The following LY75 variants were observed in gnomAD, a reference collection of about 807,000 sequenced individuals.
LY75 encodes the protein C-type lectin domain family 13 member B.
In LY75, 185 loss-of-function variants were observed where a neutral mutation model predicts 231.7. That is an observed-to-expected ratio of 0.80 (90% confidence interval 0.71 to 0.90). The LOEUF (loss-of-function observed/expected upper bound fraction) is 0.90, where lower values mean the gene tolerates loss of function less well. Among genes scored for constraint, LY75 ranks in the 40% least tolerant of loss-of-function variants. The pLI is 0.00. For synonymous variants in LY75, 668 were observed against 689.0 expected (o/e 0.97, Z 0.48); for missense variants, 1,947 against 2,050.2 (o/e 0.95, Z 0.97).
intron 1 of LY75, among the ~76,000 whole-genome samples, chr2:159,900,219 G>C (rs1686034046): frequency 6.6e-6 from 1 of 152,206 alleles, no homozygotes; most frequent in Non-Finnish European, 1.5e-5. Context: ...TGGCAACCTG[G>C]TGGAATGGGA....
At chr2:159,806,021 G>A (rs1465805907) in intron 34 of LY75, among the ~76,000 whole-genome samples, 1 of 152,132 alleles carries the variant, frequency 6.6e-6, no homozygotes, top group Non-Finnish European at 1.5e-5. Context: ...TGTCTGTTAT[G>A]CCCTTTCCCT....
intron 3 of LY75, 138 bp downstream of exon 3, chr2:159,893,775 CT>C: frequency 7.9e-7 from 1 of 1,264,308 alleles, no homozygotes; most frequent in African/African-American, 1.5e-5. Context: ...TTACCTCTCT[CT>C]TCTCCTCCAA....
intron 29 of LY75, among the ~76,000 whole-genome samples, chr2:159,818,028 G>A (rs941939647): frequency 3.3e-5 from 5 of 151,902 alleles, no homozygotes; most frequent in Non-Finnish European, 5.9e-5. Flanking sequence ...CAGCCTGGGT[G>A]ACAGAGCAAG....
At chr2:159,873,772 C>T (rs527928541) in intron 12 of LY75, among the ~76,000 whole-genome samples, 1 of 91,800 alleles carries the variant, frequency 1.1e-5, no homozygotes, top group Non-Finnish European at 2.8e-5. Flanking sequence ...TAAATATATA[C>T]ATTTTGTAAA....
At chr2:159,846,204 C>T (rs976038485) in intron 23 of LY75, among the ~76,000 whole-genome samples, 2 of 151,188 alleles carry the variant, frequency 1.3e-5, no homozygotes, top group South Asian at 2.1e-4. Context: ...ATGTAACATG[C>T]TATCAGAAAG....
At chr2:159,835,198 A>T (rs1683782763) in intron 26 of LY75, among the ~76,000 whole-genome samples, 1 of 152,194 alleles carries the variant, frequency 6.6e-6, no homozygotes, top group African/African-American at 2.4e-5. Context: ...AACTATAAAT[A>T]TATGCAGAAA....
chr2:159,902,000 T>C (rs12185534), intron 1 of LY75, among the ~76,000 whole-genome samples: 22,327 of 152,238 alleles, frequency 0.15, 1,938 homozygotes, highest in South Asian at 0.37. Context: ...GTTGAAGAGC[T>C]GGAAGGAGGA....
At chr2:159,886,336 C>A in intron 5 of LY75, 84 bp downstream of exon 5, 7 of 1,396,030 alleles carry the variant, frequency 5.0e-6, no homozygotes, top group Non-Finnish European at 5.7e-6. Flanking sequence ...AGATGTGAAA[C>A]TTTTCTAAGC....
intron 32 of LY75, 147 bp downstream of exon 32, chr2:159,810,379 C>T: frequency 9.1e-7 from 1 of 1,103,598 alleles, no homozygotes; most frequent in Non-Finnish European, 1.3e-6. Context: ...ATTTCCCTAC[C>T]ACTGGGCAAT....
At chr2:159,872,239 A>G (rs1377104742) in intron 13 of LY75, 2 of 508,772 alleles carry the variant, frequency 3.9e-6, no homozygotes, top group Non-Finnish European at 3.3e-6. Flanking sequence ...AACAAAGGGT[A>G]GGGAATACAT....
intron 21 of LY75, among the ~76,000 whole-genome samples, chr2:159,851,238 C>T (rs1684391377): frequency 6.6e-6 from 1 of 152,204 alleles, no homozygotes; most frequent in African/African-American, 2.4e-5. Flanking sequence ...CCTAGCTTTA[C>T]TACAGATGCT....
chr2:159,874,958 T>C (rs1392928107), intron 12 of LY75, among the ~76,000 whole-genome samples: 2 of 139,266 alleles, frequency 1.4e-5, no homozygotes, highest in East Asian at 2.0e-4. Flanking sequence ...TATTTATAAA[T>C]ATATTTATAA....
At chr2:159,863,278 T>C (rs76227246) in intron 14 of LY75, among the ~76,000 whole-genome samples, 4,467 of 152,212 alleles carry the variant, frequency 0.029, 192 homozygotes, top group African/African-American at 0.097. Flanking sequence ...CCTCCGAGTA[T>C]CTTAAACATT....
At chr2:159,823,973 C>T (rs1161876634) in intron 28 of LY75, among the ~76,000 whole-genome samples, 2 of 152,140 alleles carry the variant, frequency 1.3e-5, no homozygotes, top group African/African-American at 2.4e-5. Context: ...AAGGAAAAAC[C>T]GGTACCAGCC....
intron 9 of LY75, 149 bp downstream of exon 9, chr2:159,879,110 C>T: frequency 2.4e-6 from 2 of 844,010 alleles, no homozygotes; most frequent in Non-Finnish European, 3.5e-6. Flanking sequence ...TGCTATGACT[C>T]ACTGCCTTCT....
In LY75 at chr2:159,878,397, T is replaced by G. The variant is rs1216741380; in HGVS notation, c.1701A>C (p.Gly567=). 1 of 1,614,114 alleles carries G rather than the reference T, an allele frequency of 6.2e-7. No homozygotes were observed. The highest frequency in any genetic ancestry group is 8.5e-7 in the Non-Finnish European group (1 of 1,180,012). ...CACCAACAGTTGCCCAGTTATACTCTCCACAAGAATCTACATCTCTCAGGC... is the reference window on the plus strand; with the variant it reads ...CACCAACAGTTGCCCAGTTATACTCGCCACAAGAATCTACATCTCTCAGGC... ...WTGLRDVDSC[G]EYNWATVGGR... Residue 567 remains glycine, a synonymous_variant, in exon 11 of 35, where the codon GGA becomes GGC. Coordinates refer to ENST00000263636, the MANE Select transcript of LY75 (RefSeq NM_002349.4).
Position 159,890,386 on chromosome 2 carries a change from A to G in LY75, c.638-9T>C. On this transcript the variant is annotated splice_polypyrimidine_tract_variant and intron_variant, in intron 3 of 34. Coordinates refer to ENST00000263636, the MANE Select transcript of LY75 (RefSeq NM_002349.4). ...ATCTTCACAACCGTTTTCTGTTGATAAAGACACGTTAGTGATCATAAAGTA... is the reference window on the plus strand; with the variant it reads ...ATCTTCACAACCGTTTTCTGTTGATGAAGACACGTTAGTGATCATAAAGTA... 1 of 1,612,574 alleles carries G rather than the reference A, an allele frequency of 6.2e-7. No homozygotes were observed. Among genetic ancestry groups the G allele is most frequent in the South Asian group, 1.1e-5 (1 of 90,986 alleles).
chr2:159,850,826 GTATAT>G (rs1430023185), intron 21 of LY75, among the ~76,000 whole-genome samples: 7 of 93,810 alleles, frequency 7.5e-5, no homozygotes, highest in East Asian at 5.2e-4. Flanking sequence ...GATATATATT[GTATAT>G]TATATCTTTA....
chr2:159,864,339 C>T (rs927616587), intron 14 of LY75, among the ~76,000 whole-genome samples: 4 of 152,186 alleles, frequency 2.6e-5, no homozygotes, highest in South Asian at 2.1e-4. Flanking sequence ...GAGCTTTCCC[C>T]CTGTGTTTTC....
Sources: gnomAD v4.1 joint callset for allele counts (sites outside exome capture counted in the v4.1 genomes callset) on GRCh38, gnomAD v4.1.1 for gene constraint, MANE v1.5 for transcripts, NCBI Gene and HGNC (gene_info 2026-07-23, HGNC 2026-07-21) for gene names.